The following CNTN5 variants were observed in gnomAD, a reference collection of about 807,000 sequenced individuals.
CNTN5 encodes the protein contactin 5, also known as contactin-5.
CNTN5 carries 77 observed loss-of-function variants against 129.1 expected under a neutral mutation model. That is an observed-to-expected ratio of 0.60 (90% CI 0.50 to 0.72). The LOEUF (loss-of-function observed/expected upper bound fraction) is 0.72, where lower values mean the gene tolerates loss of function less well. Among genes scored for constraint, CNTN5 ranks in the 30% least tolerant of loss-of-function variants. The probability of loss-of-function intolerance (pLI) is 0.00; values close to 1 mark genes in which losing one functional copy is unlikely to be tolerated. For missense variants in CNTN5, 1,478 were observed against 1,328.8 expected, an observed-to-expected ratio of 1.11 and a Z score of -1.75; for synonymous variants, 509 against 465.6, an observed-to-expected ratio of 1.09 and a Z score of -1.20.
chr11:99,932,521 C>T lies in CNTN5; in HGVS notation c.673+16372C>T, dbSNP rs1354987357. Among the ~76,000 whole-genome samples the T allele has an allele frequency of 5.9e-5, 9 of 152,154 alleles. No individual in the cohort carries two copies. In the East Asian group the frequency reaches 1.7e-3, roughly 29 times the overall value. ...TTGTATCATTTTTTAAAGTACATAC[C>T]TTAAAATAACTATAGTATATGTATA... On this transcript the variant is annotated intron_variant, in intron 7 of 24. Coordinates refer to ENST00000524871, the MANE Select transcript of CNTN5 (RefSeq NM_014361.4).
intron 15 of CNTN5, among the ~76,000 whole-genome samples, chr11:100,212,188 A>G (rs1203027428): frequency 1.3e-5 from 2 of 152,084 alleles, no homozygotes; most frequent in Non-Finnish European, 2.9e-5. Context: ...TCTGAATCTC[A>G]TAATTATCAC....
intron 3 of CNTN5, among the ~76,000 whole-genome samples, chr11:99,665,074 T>C (rs1349146727): frequency 6.6e-6 from 1 of 152,214 alleles, no homozygotes; most frequent in African/African-American, 2.4e-5. Flanking sequence ...TCATTGAATA[T>C]ATAGTTCGCT....
chr11:99,961,620 A>G (rs1441408874), intron 8 of CNTN5, among the ~76,000 whole-genome samples: 1 of 152,236 alleles, frequency 6.6e-6, no homozygotes, highest in Non-Finnish European at 1.5e-5. Context: ...TTGAAGACAT[A>G]ACACACTGAA....
chr11:100,002,157 A>G (rs190366520), intron 9 of CNTN5, 21 bp downstream of exon 9: 14 of 1,379,910 alleles, frequency 1.0e-5, no homozygotes, highest in Non-Finnish European at 1.4e-5. Context: ...GTTCTTCCAT[A>G]ATTAAACACA....
intron 9 of CNTN5, among the ~76,000 whole-genome samples, chr11:100,019,673 A>T (rs1369385755): frequency 1.3e-5 from 2 of 152,034 alleles, no homozygotes; most frequent in Non-Finnish European, 2.9e-5. Context: ...TATCTTTAAA[A>T]TGCTGATTTC....
At chr11:99,279,598 A>G (rs539731454) in intron 1 of CNTN5, among the ~76,000 whole-genome samples, 1 of 151,820 alleles carries the variant, frequency 6.6e-6, no homozygotes, top group Admixed American at 6.6e-5. Context: ...TTTGAACTGC[A>G]TTGGACTGAT....
chr11:99,483,125 G>A (rs1945667610), intron 2 of CNTN5, among the ~76,000 whole-genome samples: 1 of 131,710 alleles, frequency 7.6e-6, no homozygotes, highest in Non-Finnish European at 1.5e-5. Context: ...GCAGTGAGCC[G>A]AGATCGCGCC....
At position 100,357,668 on chromosome 11, in the gene CNTN5, A is replaced by AATTTT. The variant is rs578100865; in HGVS notation, c.*1451_*1455dup. 1.3e-3 allele frequency: 204 copies of AATTTT among 151,562 alleles called. 1 individual carries two copies. Among genetic ancestry groups the AATTTT allele is most frequent in the African/African-American group, 4.7e-3 (193 of 41,202 alleles). 9.4% of individuals were successfully genotyped at this position (151,562 alleles called of 1,614,324 possible). On this transcript the variant is annotated 3_prime_UTR_variant, in exon 25 of 25. Coordinates refer to ENST00000524871, the MANE Select transcript of CNTN5 (RefSeq NM_014361.4). ...ACAAGAGAACAAAAATTGGTTTTAT[A>AATTTT]ATTTTATATAATTTAAACTTGTTAA... is the stretch of plus-strand genomic sequence containing the variant.
intron 3 of CNTN5, among the ~76,000 whole-genome samples, chr11:99,751,665 A>T (rs1944241201): frequency 1.3e-5 from 2 of 152,168 alleles, no homozygotes; most frequent in Non-Finnish European, 2.9e-5. Context: ...TTGCTCTGTA[A>T]TAATATAGGC....
intron 16 of CNTN5, among the ~76,000 whole-genome samples, chr11:100,241,325 G>C (rs1343614599): frequency 6.6e-6 from 1 of 151,934 alleles, no homozygotes; most frequent in Admixed American, 6.6e-5. Flanking sequence ...GTGTCTACAA[G>C]TGTCTACAAC....
chr11:99,610,832 G>T (rs1475041321), intron 3 of CNTN5, among the ~76,000 whole-genome samples: 1 of 152,164 alleles, frequency 6.6e-6, no homozygotes, highest in African/African-American at 2.4e-5. Context: ...GTATAGCAGG[G>T]ATGGAAGAAG....
intron 3 of CNTN5, among the ~76,000 whole-genome samples, chr11:99,659,802 T>G (rs779283149): frequency 1.6e-4 from 25 of 152,208 alleles, no homozygotes; most frequent in Non-Finnish European, 3.2e-4. Flanking sequence ...AAAGATACCT[T>G]CAGAGAAATG....
At chr11:99,268,503 C>A (rs1863014757) in intron 1 of CNTN5, among the ~76,000 whole-genome samples, 1 of 151,560 alleles carries the variant, frequency 6.6e-6, no homozygotes, top group South Asian at 2.1e-4. Flanking sequence ...GCAAAAAGGT[C>A]ATTATTAGTC....
At chr11:100,247,516 C>T (rs778595429) in intron 16 of CNTN5, among the ~76,000 whole-genome samples, 18 of 152,040 alleles carry the variant, frequency 1.2e-4, no homozygotes, top group South Asian at 4.1e-4. Flanking sequence ...TCATGAGTAA[C>T]GTAATGGTGG....
intron 1 of CNTN5, among the ~76,000 whole-genome samples, chr11:99,076,339 A>G (rs1278597701): frequency 2.7e-5 from 4 of 145,946 alleles, no homozygotes; most frequent in African/African-American, 9.8e-5. Flanking sequence ...AAAACAAAAC[A>G]AAACAAAAAC....
At chr11:100,164,784 A>T (rs778182374) in intron 13 of CNTN5, among the ~76,000 whole-genome samples, 6 of 151,852 alleles carry the variant, frequency 4.0e-5, no homozygotes, top group Admixed American at 6.6e-5. Context: ...GAGTATGGAA[A>T]TTAGCCAGAA....
At chr11:99,727,821 A>T (rs1326469624) in intron 3 of CNTN5, among the ~76,000 whole-genome samples, 3 of 152,170 alleles carry the variant, frequency 2.0e-5, no homozygotes, top group African/African-American at 7.2e-5. Context: ...GCCCATTTTA[A>T]ATATTAGCTC....
intron 2 of CNTN5, among the ~76,000 whole-genome samples, chr11:99,553,965 T>TACACAC (rs34430127): frequency 0.012 from 1,797 of 146,100 alleles, 16 homozygotes; most frequent in Middle Eastern, 0.018. Context: ...TGAAAATGAA[T>TACACAC]ACACACACAC....
At chr11:100,204,997 T>C (rs1216805995) in intron 15 of CNTN5, among the ~76,000 whole-genome samples, 1 of 152,076 alleles carries the variant, frequency 6.6e-6, no homozygotes, top group African/African-American at 2.4e-5. Context: ...TTTTAGTTTT[T>C]TGAAAGCCTT....
Sources: allele counts gnomAD v4.1 joint callset (sites outside exome capture counted in the v4.1 genomes callset), GRCh38; gene constraint gnomAD v4.1.1; transcripts MANE v1.5; gene names NCBI Gene and HGNC (gene_info 2026-07-23, HGNC 2026-07-21).